The following MLH3 variants were observed in gnomAD, a reference collection of about 807,000 sequenced individuals.
The protein encoded by MLH3 is DNA mismatch repair protein Mlh3.
A neutral mutation model predicts 122.2 loss-of-function variants in MLH3; 82 were observed. The observed-to-expected ratio is 0.67, with a 90% CI of 0.56 to 0.81. MLH3 has a LOEUF of 0.81. Among genes scored for constraint, MLH3 ranks in the 30% least tolerant of loss-of-function variants. The pLI, the probability that MLH3 is intolerant of heterozygous loss-of-function variation, is 0.00. For synonymous variants in MLH3, 524 were observed against 599.5 expected (o/e 0.87, Z 1.84); for missense variants, 1,539 against 1,714.5 (o/e 0.90, Z 1.81).
rs1595065624 is a variant in MLH3, at chr14:75,038,327, A to C, written c.3643+13T>G. 2 of 1,604,308 alleles carry C rather than the reference A, an allele frequency of 1.2e-6. No homozygotes were observed. Among genetic ancestry groups the C allele is most frequent in the Non-Finnish European group, 1.7e-6 (2 of 1,171,180 alleles). On this transcript the variant is annotated intron_variant, in intron 6 of 12. Transcript: ENST00000355774. ...CCAGCTGGTTAATCATTCAGGCTAA[A>C]CTCCATTCTTACCTGCCTCGCCATT...
At chr14:75,034,029 C>T (rs59419843) in intron 6 of MLH3, among the ~76,000 whole-genome samples, 1 of 151,958 alleles carries the variant, frequency 6.6e-6, no homozygotes, top group African/African-American at 2.4e-5. Flanking sequence ...CCTGTCTCTA[C>T]TAAAAATACA....
intron 9 of MLH3, among the ~76,000 whole-genome samples, chr14:75,026,782 T>C (rs1385352765): frequency 6.6e-6 from 1 of 152,188 alleles, no homozygotes; most frequent in Non-Finnish European, 1.5e-5. Context: ...ATAATTGGAT[T>C]GACTAAGGAC....
chr14:75,038,359 A>G lies in MLH3; in HGVS notation c.3624T>C (p.Thr1208=). 1 of 1,613,806 alleles carries G rather than the reference A, an allele frequency of 6.2e-7. No individual in the cohort carries two copies. Among genetic ancestry groups the G allele is most frequent in the Non-Finnish European group, 8.5e-7 (1 of 1,179,722 alleles). The part of the protein sequence containing the change: ...KFIACLMSTK[T]EENGEAGGNL... ...TCTTACCTGCCTCGCCATTCTCTTCAGTCTTAGTGCTCATCAAACAGGCAA... is the reference window on the plus strand; with the variant it reads ...TCTTACCTGCCTCGCCATTCTCTTCGGTCTTAGTGCTCATCAAACAGGCAA... Residue 1208 remains threonine, a synonymous_variant, in exon 6 of 13, where the codon ACT becomes ACC. Transcript: ENST00000355774.
At chr14:75,050,068 AG>A (rs1334454192) in intron 1 of MLH3, among the ~76,000 whole-genome samples, 1 of 152,252 alleles carries the variant, frequency 6.6e-6, no homozygotes, top group Non-Finnish European at 1.5e-5. Context: ...AAGGAACATT[AG>A]CTAGAAATTA....
rs1305786976 is a variant in MLH3, at chr14:75,022,982, A to G, written c.4011+13T>C. 6.2e-7 allele frequency: 1 copy of G among 1,614,252 alleles called. No individual in the cohort carries two copies. ...GCTTCTGTGTGAAACCCCAAAATAAAGGAAAAGCTTACCTCCAGTTGTTCT... is the reference window on the plus strand; with the variant it reads ...GCTTCTGTGTGAAACCCCAAAATAAGGGAAAAGCTTACCTCCAGTTGTTCT... On this transcript the variant is annotated intron_variant, in intron 10 of 12. Coordinates refer to ENST00000355774, the MANE Select transcript of MLH3 (RefSeq NM_001040108.2).
intron 9 of MLH3, among the ~76,000 whole-genome samples, chr14:75,026,578 A>G (rs542149231): frequency 1.1e-4 from 16 of 152,324 alleles, no homozygotes; most frequent in African/African-American, 3.6e-4. Flanking sequence ...AAGAGACAAG[A>G]GAGAGAATGG....
rs1470294724 is a variant in MLH3, at chr14:75,017,211, G to A, written c.4243-10C>T. 1 of 1,613,166 alleles carries A rather than the reference G, an allele frequency of 6.2e-7. No homozygotes were observed. Among genetic ancestry groups the A allele is most frequent in the African/African-American group, 1.3e-5 (1 of 75,016 alleles). On this transcript the variant is annotated splice_polypyrimidine_tract_variant and intron_variant, in intron 12 of 12. Coordinates refer to ENST00000355774, the MANE Select transcript of MLH3 (RefSeq NM_001040108.2). ...TGAGGTTGGGTTTAATCTATGGGAA[G>A]AAAGAATAACTTCAATTAGCAATAT...
rs1050519374 is a variant in MLH3 at position 75,049,053 on chromosome 14, G to C, written c.603C>G (p.Leu201=). The part of the protein sequence containing the change: ...NDVSGSMVLQ[L]PKTKDVCSRF... ...GGGAACATACGTCTTTGGTTTTAGG[G>C]AGCTGAAGAACCATGGAACCAGAAA... is the stretch of plus-strand genomic sequence containing the variant. Residue 201 remains leucine, a synonymous_variant, in exon 2 of 13, where the codon CTC becomes CTG. Transcript: ENST00000355774. The C allele has an allele frequency of 6.2e-6, 10 of 1,614,008 alleles. No homozygotes were observed. Among genetic ancestry groups the C allele is most frequent in the Non-Finnish European group, 8.5e-6 (10 of 1,180,032 alleles).
chr14:75,023,071 C>T lies in MLH3; in HGVS notation c.3988-53G>A, dbSNP rs968763164. Reference sequence around the variant, plus strand: ...AATCTACGGTTATGTTTTACTTGCCCTTTGATAGTTTACAAAATATCTCAA... The same window carrying T: ...AATCTACGGTTATGTTTTACTTGCCTTTTGATAGTTTACAAAATATCTCAA... On this transcript the variant is annotated intron_variant, in intron 9 of 12. Transcript: ENST00000355774. 9.4e-6 allele frequency: 15 copies of T among 1,598,712 alleles called. No individual in the cohort carries two copies. In the African/African-American group the frequency reaches 1.5e-4, roughly 16 times the overall value.
intron 2 of MLH3, among the ~76,000 whole-genome samples, chr14:75,045,188 G>C (rs1892126367): frequency 6.6e-6 from 1 of 152,156 alleles, no homozygotes; most frequent in African/African-American, 2.4e-5. Flanking sequence ...AAATTAGCCG[G>C]GTGTGGTAGC....
At chr14:75,049,796 G>T in intron 1 of MLH3, 78 bp from the exon 2 acceptor site, 1 of 888,002 alleles carries the variant, frequency 1.1e-6, no homozygotes, top group Non-Finnish European at 1.8e-6. Context: ...TAGCACTTGA[G>T]GTAAATGAAA....
Position 75,041,613 on chromosome 14 carries a change from A to G in MLH3, c.3465+2T>C. 6.2e-7 allele frequency: 1 copy of G among 1,611,130 alleles called. No individual in the cohort carries two copies. Among genetic ancestry groups the G allele is most frequent in the African/African-American group, 1.3e-5 (1 of 74,978 alleles). Reference sequence around the variant, plus strand: ...GGCAAAGAAAAACTGCTACAGACCCACCTCTGGATAACGGGCAAATACTGG... The same window carrying G: ...GGCAAAGAAAAACTGCTACAGACCCGCCTCTGGATAACGGGCAAATACTGG... On this transcript the variant is annotated splice_donor_variant, in intron 4 of 12. Coordinates refer to ENST00000355774, the MANE Select transcript of MLH3 (RefSeq NM_001040108.2). LOFTEE classifies it high-confidence loss of function.
intron 5 of MLH3, 34 bp downstream of exon 5, chr14:75,039,877 A>G: frequency 2.3e-6 from 1 of 441,952 alleles, no homozygotes; most frequent in South Asian, 2.0e-5. Flanking sequence ...ATATATATAT[A>G]TATATTTATG....
At position 75,032,053 on chromosome 14, in the gene MLH3, C is replaced by T. The variant is rs2139400374; in HGVS notation, c.3827+15G>A. 7.3e-7 allele frequency: 1 copy of T among 1,366,118 alleles called. No homozygotes were observed. The highest frequency in any genetic ancestry group is 1.0e-6 in the Non-Finnish European group (1 of 953,438). The allele number at this position is 1,366,118 out of a possible 1,614,324, so 84.6% of individuals were successfully genotyped here. A position where few individuals can be genotyped will look rare whatever the true frequency, so the allele number is the denominator to read the frequency against. On this transcript the variant is annotated intron_variant, in intron 8 of 12. Coordinates refer to ENST00000355774, the MANE Select transcript of MLH3 (RefSeq NM_001040108.2). ...ATTGATACCATCAACATCACATTCT[C>T]ATGGTGGTACTGACCATAAGAGTCT... is the stretch of plus-strand genomic sequence containing the variant.
chr14:75,049,419 G>C lies in MLH3; in HGVS notation c.237C>G (p.His79Gln), dbSNP rs1892513422. The stretch of plus-strand genomic sequence containing the variant: ...TTGGATTCTCCAAGTCCTGTACCGA[G>C]TGGCATTTACTGGTGAAATAACGAT... ...VGNRYFTSKC[H>Q]SVQDLENPRF... The change falls in exon 2 of 13, where the codon CAC becomes CAG. Residue 79 changes from histidine to glutamine, a missense_variant. By Grantham distance (24) the His-to-Gln change is conservative. Transcript: ENST00000355774. The C allele has an allele frequency of 6.2e-7, 1 of 1,614,046 alleles. No homozygotes were observed. The highest frequency in any genetic ancestry group is 8.5e-7 in the Non-Finnish European group (1 of 1,180,026).
At chr14:75,036,084 A>G (rs1323898291) in intron 6 of MLH3, among the ~76,000 whole-genome samples, 2 of 152,250 alleles carry the variant, frequency 1.3e-5, no homozygotes. Flanking sequence ...GTTTTCCAAC[A>G]TAACATTCTT....
At chr14:75,037,981 C>T (rs137897017) in intron 6 of MLH3, among the ~76,000 whole-genome samples, 102 of 152,286 alleles carry the variant, frequency 6.7e-4, no homozygotes, top group Non-Finnish European at 1.2e-3. Context: ...CTCACTACAT[C>T]CTCTGCCTCC....
chr14:75,018,140 C>T (rs1212162888), intron 12 of MLH3, among the ~76,000 whole-genome samples: 6 of 137,010 alleles, frequency 4.4e-5, no homozygotes, highest in Admixed American at 4.0e-4. Flanking sequence ...AGCAAAACTC[C>T]GTCTCAAAAA....
chr14:75,021,098 AACT>A (rs1890249428), intron 11 of MLH3, among the ~76,000 whole-genome samples: 1 of 152,222 alleles, frequency 6.6e-6, no homozygotes, highest in Non-Finnish European at 1.5e-5. Flanking sequence ...GCTGGTCTCG[AACT>A]CCTGACCTCA....
Sources: gnomAD v4.1 joint callset for allele counts (sites outside exome capture counted in the v4.1 genomes callset) on GRCh38, gnomAD v4.1.1 for gene constraint, MANE v1.5 for transcripts, NCBI Gene and HGNC (gene_info 2026-07-23, HGNC 2026-07-21) for gene names.